Variants in GRIA1 observed in about 807,000 individuals in gnomAD.
The protein encoded by GRIA1 is glutamate receptor 1.
A neutral mutation model predicts 99.2 loss-of-function variants in GRIA1; 31 were observed. The observed-to-expected ratio is 0.31, with a 90% CI of 0.23 to 0.42. GRIA1 has a LOEUF of 0.42. Among genes scored for constraint, GRIA1 ranks in the 10% least tolerant of loss-of-function variants. The pLI, the probability that GRIA1 is intolerant of heterozygous loss-of-function variation, is 1.00. For missense variants in GRIA1, 782 were observed against 1,157.5 expected, an observed-to-expected ratio of 0.68 and a Z score of 4.71; for synonymous variants, 438 against 432.4, an observed-to-expected ratio of 1.01 and a Z score of -0.16.
chr5:153,672,702 C>T (rs1175932344), intron 5 of GRIA1, among the ~76,000 whole-genome samples: 9 of 152,258 alleles, frequency 5.9e-5, no homozygotes, highest in East Asian at 5.8e-4. Context: ...GAAACATAGA[C>T]GGTATCCTAG....
At chr5:153,775,542 G>A (rs1271626463) in intron 13 of GRIA1, among the ~76,000 whole-genome samples, 5 of 152,196 alleles carry the variant, frequency 3.3e-5, no homozygotes, top group African/African-American at 1.2e-4. Flanking sequence ...ACCCAGGAAG[G>A]TCTGAGACCC....
intron 2 of GRIA1, among the ~76,000 whole-genome samples, chr5:153,578,704 C>T (rs866631867): frequency 2.6e-4 from 39 of 152,116 alleles, no homozygotes; most frequent in Middle Eastern, 3.2e-3. Flanking sequence ...GTCAGGAATT[C>T]GAGACCAGCC....
chr5:153,627,570 T>A (rs1314064823), intron 2 of GRIA1, among the ~76,000 whole-genome samples: 1 of 147,790 alleles, frequency 6.8e-6, no homozygotes, highest in East Asian at 1.9e-4. Context: ...AACTCCAGAG[T>A]AAAAGAATGG....
rs551501609 is a variant in GRIA1, at chr5:153,596,209, G to C, written c.221-50719G>C. On this transcript the variant is annotated intron_variant, in intron 2 of 15. Transcript: ENST00000285900. ...ATGAGAGAGTCTTTTAACCACACAGGGTATAACAAGTATGCATCTATTCTT... is the reference window on the plus strand; with the variant it reads ...ATGAGAGAGTCTTTTAACCACACAGCGTATAACAAGTATGCATCTATTCTT... Among the ~76,000 whole-genome samples the C allele has an allele frequency of 1.8e-4, 28 of 152,102 alleles. No individual in the cohort carries two copies. The East Asian group carries it at 5.4e-3, about 29-fold the overall frequency.
rs201884073 is a variant in GRIA1, at chr5:153,698,121, T to C, written c.1212T>C (p.Val404=). ...AAGCTGGGGGCGATAATTCAAGTGT[T>C]CAGAACAGAACATACATCGTCACAA... The part of the protein sequence containing the change: ...DAQAGGDNSS[V]QNRTYIVTTI... Residue 404 remains valine (V), a synonymous_variant, in exon 9 of 16, where the codon GTT becomes GTC. Coordinates refer to ENST00000285900, the MANE Select transcript of GRIA1 (RefSeq NM_000827.4). 5 of 1,607,486 alleles carry C rather than the reference T, an allele frequency of 3.1e-6. No individual in the cohort carries two copies. Among genetic ancestry groups the C allele is most frequent in the African/African-American group, 2.7e-5 (2 of 74,900 alleles).
intron 2 of GRIA1, among the ~76,000 whole-genome samples, chr5:153,592,830 G>T (rs895903275): frequency 2.0e-5 from 3 of 152,162 alleles, no homozygotes; most frequent in Admixed American, 2.0e-4. Flanking sequence ...TTGGGTCTTG[G>T]CAAAGACCTG....
intron 14 of GRIA1, chr5:153,795,492 G>A (rs368006430): frequency 6.2e-7 from 1 of 1,603,174 alleles, no homozygotes; most frequent in Non-Finnish European, 8.5e-7. Context: ...CGTAAACCTA[G>A]CGGTTTTGAA....
At chr5:153,564,049 G>C (rs1365130891) in intron 2 of GRIA1, among the ~76,000 whole-genome samples, 1 of 152,186 alleles carries the variant, frequency 6.6e-6, no homozygotes, top group Admixed American at 6.5e-5. Context: ...TGAAGGGTGT[G>C]CTGAAATCAA....
intron 13 of GRIA1, among the ~76,000 whole-genome samples, chr5:153,780,082 G>GCAAT (rs1764537320): frequency 6.6e-6 from 1 of 152,204 alleles, no homozygotes; most frequent in Non-Finnish European, 1.5e-5. Flanking sequence ...CAAATTGCAT[G>GCAAT]TTGCTTTCTT....
chr5:153,802,293 C>A, intron 14 of GRIA1, 63 bp from the exon 15 acceptor site: 6 of 1,495,728 alleles, frequency 4.0e-6, no homozygotes, highest in South Asian at 3.4e-5. Flanking sequence ...CTTGGATGGT[C>A]TTTAGCCTCT....
chr5:153,597,745 T>C (rs1449047016), intron 2 of GRIA1, among the ~76,000 whole-genome samples: 2 of 152,106 alleles, frequency 1.3e-5, no homozygotes, highest in Non-Finnish European at 2.9e-5. Flanking sequence ...CAGTGGCTTA[T>C]GCCTGTAATT....
chr5:153,648,653 C>T (rs1289636655), intron 3 of GRIA1, among the ~76,000 whole-genome samples: 1 of 152,176 alleles, frequency 6.6e-6, no homozygotes, highest in Non-Finnish European at 1.5e-5. Context: ...AAACAACTTG[C>T]ACTGAAAAGG....
intron 2 of GRIA1, among the ~76,000 whole-genome samples, chr5:153,577,523 G>A (rs991987061): frequency 1.9e-4 from 29 of 151,840 alleles, no homozygotes; most frequent in African/African-American, 7.0e-4. Context: ...TCCTCCTTTA[G>A]TTGAGAAAAA....
intron 2 of GRIA1, among the ~76,000 whole-genome samples, chr5:153,573,735 T>A (rs536624433): frequency 1.3e-5 from 2 of 152,324 alleles, no homozygotes; most frequent in South Asian, 4.1e-4. Flanking sequence ...ACATTTTCTG[T>A]ACTCAAGAGA....
chr5:153,511,425 G>A (rs1295018770), intron 2 of GRIA1, among the ~76,000 whole-genome samples: 1 of 152,088 alleles, frequency 6.6e-6, no homozygotes, highest in Non-Finnish European at 1.5e-5. Flanking sequence ...CGTTAATAAA[G>A]GGAGTTCACC....
intron 2 of GRIA1, among the ~76,000 whole-genome samples, chr5:153,563,379 G>T (rs1424928909): frequency 1.3e-5 from 2 of 152,092 alleles, no homozygotes; most frequent in Non-Finnish European, 2.9e-5. Context: ...GACACCAATT[G>T]TTTCGTTCTC....
intron 11 of GRIA1, among the ~76,000 whole-genome samples, chr5:153,743,254 A>G (rs1332847182): frequency 6.6e-6 from 1 of 152,196 alleles, no homozygotes; most frequent in Non-Finnish European, 1.5e-5. Flanking sequence ...GTCACCATAC[A>G]TTAGTTTTCC....
chr5:153,723,671 G>A (rs1258622000), intron 11 of GRIA1, among the ~76,000 whole-genome samples: 1 of 152,160 alleles, frequency 6.6e-6, no homozygotes, highest in Non-Finnish European at 1.5e-5. Context: ...CAAACTGCAA[G>A]GCGGCAGCAA....
At chr5:153,755,185 A>G (rs59943645) in intron 11 of GRIA1, among the ~76,000 whole-genome samples, 5 of 152,310 alleles carry the variant, frequency 3.3e-5, no homozygotes, top group African/African-American at 1.2e-4. Context: ...CAGAGTTTGA[A>G]TTTATTCCAA....
Sources: gnomAD v4.1 joint callset for allele counts (sites outside exome capture counted in the v4.1 genomes callset) on GRCh38, gnomAD v4.1.1 for gene constraint, MANE v1.5 for transcripts, NCBI Gene and HGNC (gene_info 2026-07-23, HGNC 2026-07-21) for gene names.